GALNS: variants seen among roughly 807,000 people sequenced by gnomAD.
The protein encoded by GALNS is N-acetylgalactosamine-6-sulfatase.
GALNS carries 65 observed loss-of-function variants against 65.9 expected under a neutral mutation model. The observed-to-expected ratio is 0.99, with a 90% CI of 0.81 to 1.21. The LOEUF (loss-of-function observed/expected upper bound fraction) is 1.21. GALNS is among the 50% of genes most tolerant of loss of function. The pLI, the probability that GALNS is intolerant of heterozygous loss-of-function variation, is 0.00. For synonymous variants in GALNS, 346 were observed against 288.9 expected, an observed-to-expected ratio of 1.20 and a Z score of -2.00; for missense variants, 776 against 700.7, an observed-to-expected ratio of 1.11 and a Z score of -1.21.
intron 5 of GALNS, among the ~76,000 whole-genome samples, chr16:88,837,290 G>A (rs374459371): frequency 5.1e-4 from 77 of 152,218 alleles, no homozygotes; most frequent in Non-Finnish European, 7.5e-4. Context: ...GAGCACAGCC[G>A]GCCTCCCCAC....
rs368430992 is a variant in GALNS, at chr16:88,835,167, C to G, written c.898+46G>C. On this transcript the variant is annotated intron_variant, in intron 8 of 13. Coordinates refer to ENST00000268695, the MANE Select transcript of GALNS (RefSeq NM_000512.5). ...AGCCGGTCCAGGCACTCTTCGCTGA[C>G]ACGCTGGCTGTGGGGAAACCGTGAG... 4 of 1,553,424 alleles carry G rather than the reference C, an allele frequency of 2.6e-6. No homozygotes were observed. The African/African-American group carries it at 5.5e-5, about 21-fold the overall frequency.
At chr16:88,836,978 G>C (rs551644910) in intron 5 of GALNS, among the ~76,000 whole-genome samples, 1 of 152,236 alleles carries the variant, frequency 6.6e-6, no homozygotes, top group African/African-American at 2.4e-5. Flanking sequence ...CTTCAAATGG[G>C]GGCTGCGTGG....
At chr16:88,824,573 C>G (rs1313170769) in intron 11 of GALNS, among the ~76,000 whole-genome samples, 194 bp downstream of exon 11, 1 of 152,126 alleles carries the variant, frequency 6.6e-6, no homozygotes, top group African/African-American at 2.4e-5. Flanking sequence ...GAGGTCCCTC[C>G]CTCCTCTCCA....
intron 9 of GALNS, among the ~76,000 whole-genome samples, chr16:88,827,758 C>T (rs576386035): frequency 5.3e-5 from 8 of 152,156 alleles, no homozygotes; most frequent in Non-Finnish European, 8.8e-5. Context: ...TTTCTTAACT[C>T]GGGGGCTCCA....
intron 3 of GALNS, 79 bp from the exon 4 acceptor site, chr16:88,841,173 G>T: frequency 1.5e-5 from 17 of 1,106,078 alleles, no homozygotes; most frequent in Non-Finnish European, 2.3e-5. Context: ...GACACTGGGG[G>T]CTGCGTCCAC....
chr16:88,840,977 G>A lies in GALNS; in HGVS notation c.422+15C>T. 1 of 1,603,960 alleles carries A rather than the reference G, an allele frequency of 6.2e-7. No homozygotes were observed. Among genetic ancestry groups the A allele is most frequent in the Non-Finnish European group, 8.5e-7 (1 of 1,171,486 alleles). On this transcript the variant is annotated intron_variant, in intron 4 of 13. Transcript: ENST00000268695. ...TGGAGCAGGACGCCTGGGCAGGCGT[G>A]GCCAGGAGACTTACCACTTGCCGAC...
chr16:88,830,206 G>C (rs1024003368), intron 9 of GALNS, among the ~76,000 whole-genome samples: 1 of 145,980 alleles, frequency 6.9e-6, no homozygotes, highest in Non-Finnish European at 1.5e-5. Context: ...ACTCCAGCCT[G>C]GGCAACAGAG....
chr16:88,827,056 C>T (rs973736779), intron 9 of GALNS: 26 of 608,900 alleles, frequency 4.3e-5, no homozygotes, highest in Non-Finnish European at 6.5e-5. Flanking sequence ...CAGGCCACGC[C>T]CTCACTCCCT....
intron 13 of GALNS, chr16:88,815,973 G>C: frequency 1.0e-6 from 1 of 985,394 alleles, no homozygotes; most frequent in Non-Finnish European, 1.2e-6. Context: ...TCCTGGGGCT[G>C]GCCTGGAGTT....
At chr16:88,832,967 A>AGT (rs1266797970) in intron 8 of GALNS, among the ~76,000 whole-genome samples, 58 of 150,446 alleles carry the variant, frequency 3.9e-4, no homozygotes, top group African/African-American at 1.4e-3. Flanking sequence ...AGTCCCAGCT[A>AGT]CTCAGGAGGC....
chr16:88,855,173 T>G (rs1967736346), intron 1 of GALNS: 1 of 661,712 alleles, frequency 1.5e-6, no homozygotes, highest in Non-Finnish European at 2.8e-6. Flanking sequence ...AACCAAAATA[T>G]TATTTCGACA....
rs933676266 is a variant in GALNS, at chr16:88,839,621, C to A, written c.422+1371G>T. 4.6e-5 allele frequency among the ~76,000 whole-genome samples: 7 copies of A among 152,208 alleles called. 1 individual carries two copies. Among genetic ancestry groups the A allele is most frequent in the Admixed American group, 4.6e-4 (7 of 15,288 alleles). On this transcript the variant is annotated intron_variant, in intron 4 of 13. Coordinates refer to ENST00000268695, the MANE Select transcript of GALNS (RefSeq NM_000512.5). ...ACACCCCTACTGCCCTGAGAGGGGA[C>A]CCTGCTGGGATAGGGACCCCCCCAC...
At position 88,826,783 on chromosome 16, in the gene GALNS, G is replaced by T. The variant is rs774113183; in HGVS notation, c.1058C>A (p.Ala353Glu). The change falls in exon 10 of 14, where the codon GCG becomes GAG. Residue 353 changes from alanine to glutamate, a missense_variant. By Grantham distance (107) the Ala-to-Glu change is moderately radical. Coordinates refer to ENST00000268695, the MANE Select transcript of GALNS (RefSeq NM_000512.5). The part of the protein sequence containing the change: ...MDLFTTSLAL[A>E]GLTPPSDRAI... ...CCTGTCGCTGGGCGGCGTCAGGCCC[G>T]CAAGGGCCAGGCTGGTGGTGAAGAG... 1.9e-6 allele frequency: 3 copies of T among 1,602,820 alleles called. No individual in the cohort carries two copies. Among genetic ancestry groups the T allele is most frequent in the Admixed American group, 1.7e-5 (1 of 58,400 alleles).
At chr16:88,815,793 G>C in intron 13 of GALNS, 16 of 985,452 alleles carry the variant, frequency 1.6e-5, no homozygotes, top group Non-Finnish European at 1.9e-5. Context: ...GAGTGGGTTT[G>C]GGTGAGGAAG....
intron 12 of GALNS, among the ~76,000 whole-genome samples, chr16:88,819,093 G>A (rs913640504): frequency 6.6e-6 from 1 of 152,262 alleles, no homozygotes; most frequent in East Asian, 1.9e-4. Flanking sequence ...ACGCTCAGCA[G>A]TCTGTGAGAA....
At chr16:88,855,874 C>T (rs1013124298) in intron 1 of GALNS, 2 of 505,506 alleles carry the variant, frequency 4.0e-6, no homozygotes, top group Non-Finnish European at 7.2e-6. Context: ...TGAGCGACAC[C>T]GACGGCCCAA....
rs145258816 is a variant in GALNS at position 88,851,038 on chromosome 16, G to A, written c.120+5720C>T. On this transcript the variant is annotated intron_variant, in intron 1 of 13. Transcript: ENST00000268695. ...CACACGTGGGCCTTCTGAGGACAGC[G>A]TCCCAGGCTGCTGGGCCAGCTCTCA... 1.1e-4 allele frequency among the ~76,000 whole-genome samples: 17 copies of A among 151,566 alleles called. 1 individual carries two copies. In the South Asian group the frequency reaches 2.1e-3, roughly 19 times the overall value.
At chr16:88,819,309 C>T (rs1426316722) in intron 12 of GALNS, among the ~76,000 whole-genome samples, 1 of 152,178 alleles carries the variant, frequency 6.6e-6, no homozygotes. Context: ...TTCAGGGCTC[C>T]CCGCTTGGTG....
At chr16:88,820,394 G>A (rs1000034156) in intron 12 of GALNS, among the ~76,000 whole-genome samples, 1 of 152,220 alleles carries the variant, frequency 6.6e-6, no homozygotes, top group African/African-American at 2.4e-5. Flanking sequence ...CTCCCAAAGT[G>A]CTGGGATTAC....
Sources: allele counts gnomAD v4.1 joint callset (sites outside exome capture counted in the v4.1 genomes callset), GRCh38; gene constraint gnomAD v4.1.1; transcripts MANE v1.5; gene names NCBI Gene and HGNC (gene_info 2026-07-23, HGNC 2026-07-21).